Variants in SLC26A6 observed in about 807,000 individuals in gnomAD.
SLC26A6 encodes the protein solute carrier family 26 member 6, also known as anion exchange transporter.
Under a neutral mutation model 87.1 loss-of-function variants are expected in SLC26A6, and 67 were observed. The ratio of observed to expected loss-of-function variants is 0.77; its 90% confidence interval spans 0.63 to 0.94. The LOEUF is 0.94. SLC26A6 is among the 40% of genes least tolerant of loss of function. SLC26A6 has a pLI of 0.00. For synonymous variants in SLC26A6, 414 were observed against 405.9 expected (o/e 1.02, Z -0.24); for missense variants, 902 against 973.0 (o/e 0.93, Z 0.97).
chr3:48,626,825 T>A (rs1559463899), intron 18 of SLC26A6, 51 bp downstream of exon 18: 1 of 1,605,852 alleles, frequency 6.2e-7, no homozygotes, highest in Non-Finnish European at 8.5e-7. Context: ...CAGGGCAAAT[T>A]ACAGGGTCAG....
chr3:48,630,825 GC>G, intron 9 of SLC26A6, 105 bp from the exon 10 acceptor site: 1 of 1,496,264 alleles, frequency 6.7e-7, no homozygotes. Flanking sequence ...CCACCAAGTG[GC>G]CCCCAGAGAC....
chr3:48,625,994 T>C lies in SLC26A6; in HGVS notation c.2272A>G (p.Arg758Gly), dbSNP rs1415982478. The C allele has an allele frequency of 1.2e-6, 2 of 1,613,836 alleles. No homozygotes were observed. Among genetic ancestry groups the C allele is most frequent in the Admixed American group, 3.3e-5 (2 of 60,014 alleles). Residue 758 changes from arginine to glycine, a missense_variant, in exon 21 of 21, where the codon AGA (arginine) becomes GGA (glycine). By Grantham distance (125) the Arg-to-Gly change is moderately radical. This residue lies in a region of SLC26A6 where 99 missense variants were observed against 100.1 expected (regional missense o/e 0.99). Transcript: ENST00000395550. This position sits in a 1 kb window ranked among gnomAD's most constrained non-coding sequence, Gnocchi z 4.7. ...PVPDSPVSVT[R>G]L ...GGCAGGATGTAGCATGTTCAGAGTC[T>C]GGTGACCTGAGCAGGCAGAGGAGGG...
intron 11 of SLC26A6, 88 bp downstream of exon 11, chr3:48,630,350 T>A: frequency 7.0e-7 from 1 of 1,424,762 alleles, no homozygotes; most frequent in Non-Finnish European, 9.6e-7. Flanking sequence ...CCTAACCTTG[T>A]GTCCCCACCC....
At chr3:48,633,774 G>A in intron 1 of SLC26A6, 139 bp from the exon 2 acceptor site, 1 of 1,475,948 alleles carries the variant, frequency 6.8e-7, no homozygotes, top group Non-Finnish European at 8.9e-7. Context: ...GCCCCCAGCT[G>A]GCATCTGTGG....
Position 48,627,040 on chromosome 3 carries a change from C to T in SLC26A6, c.1909G>A (p.Asp637Asn), listed in dbSNP as rs59643945. 0.015 allele frequency: 23,517 copies of T among 1,613,414 alleles called. 1,593 individuals are homozygous for T. In the African/African-American group the frequency reaches 0.2, roughly 13 times the overall value. ...TTGGCTGTTGCATCTTCCATCTTAT[C>T]TCCTGAGCTCACCTGCTGGGGAGCC... ...DCKMMQVSSG[D>N]KMEDATANGQ... Residue 637 changes from aspartate to asparagine, a missense_variant, in exon 18 of 21, where the codon GAT becomes AAT. Physicochemically the swap from Asp to Asn is conservative, Grantham distance 23. Coordinates refer to ENST00000395550, the MANE Select transcript of SLC26A6 (RefSeq NM_022911.3).
rs1303569978 is a variant in SLC26A6 at position 48,632,333 on chromosome 3, A to G, written c.497T>C (p.Leu166Ser). The G allele has an allele frequency of 1.9e-6, 3 of 1,613,152 alleles. No individual in the cohort carries two copies. The highest frequency in any genetic ancestry group is 1.7e-5 in the Admixed American group (1 of 59,942). The change falls in exon 5 of 21, where the codon TTG (leucine) becomes TCG (serine). Residue 166 changes from leucine (L) to serine (S), a missense_variant. Physicochemically the swap from Leu to Ser is moderately radical, Grantham distance 145. This residue lies in a region of SLC26A6 where 800 missense variants were observed against 856.8 expected (regional missense o/e 0.93). Transcript: ENST00000395550. Reference sequence around the variant, plus strand: ...TGTCTCATTGATCATGGAGTCGTTCAAGGCCTGCGGGGCCAGGGATTCTGT... The same window carrying G: ...TGTCTCATTGATCATGGAGTCGTTCGAGGCCTGCGGGGCCAGGGATTCTGT... The part of the protein sequence containing the change: ...SVTESLAPQA[L>S]NDSMINETAR...
At chr3:48,626,815 CAG>C in intron 18 of SLC26A6, 59 bp downstream of exon 18, 1 of 1,605,450 alleles carries the variant, frequency 6.2e-7, no homozygotes, top group Non-Finnish European at 8.5e-7. Context: ...GGAGTGCTCT[CAG>C]GGCAAATTAC....
Position 48,628,228 on chromosome 3 carries a change from C to G in SLC26A6, c.1801-190G>C. ...AAGGGAAGAGGACTGTGACGGTTCTCACTGTCACTGGTTCAGATGATGGGA... is the reference window on the plus strand; with the variant it reads ...AAGGGAAGAGGACTGTGACGGTTCTGACTGTCACTGGTTCAGATGATGGGA... On this transcript the variant is annotated intron_variant, in intron 16 of 20. Coordinates refer to ENST00000395550, the MANE Select transcript of SLC26A6 (RefSeq NM_022911.3). This position sits in a 1 kb window ranked among gnomAD's most constrained non-coding sequence, Gnocchi z 4.4. The G allele has an allele frequency of 1.3e-6, 1 of 767,156 alleles. No homozygotes were observed. Among genetic ancestry groups the G allele is most frequent in the Non-Finnish European group, 2.1e-6 (1 of 482,020 alleles). 47.5% of individuals were successfully genotyped at this position (767,156 alleles called of 1,614,324 possible).
At position 48,628,452 on chromosome 3, in the gene SLC26A6, C is replaced by A. The variant is rs893920993; in HGVS notation, c.1782G>T (p.Glu594Asp). 5 of 1,614,100 alleles carry A rather than the reference C, an allele frequency of 3.1e-6. No homozygotes were observed. Among genetic ancestry groups the A allele is most frequent in the Non-Finnish European group, 4.2e-6 (5 of 1,179,994 alleles). The change falls in exon 16 of 21, where the codon GAG (glutamate) becomes GAT (aspartate). Residue 594 changes from glutamate (E) to aspartate (D), a missense_variant. Physicochemically the swap from Glu to Asp is conservative, Grantham distance 45. This residue lies in a region of SLC26A6 where 800 missense variants were observed against 856.8 expected (regional missense o/e 0.93). Coordinates refer to ENST00000395550, the MANE Select transcript of SLC26A6 (RefSeq NM_022911.3). This position sits in a 1 kb window ranked among gnomAD's most constrained non-coding sequence, Gnocchi z 4.4. ...GCCCTGCCTGTTTCCGAAGCTTCTC[C>A]TCTTTCTGCAGTTGCTTCAGCTTCA... The part of the protein sequence containing the change: ...EQLKLKQLQK[E>D]EKLRKQAASP...
rs775649384 is a variant in SLC26A6, at chr3:48,628,769, C to A, written c.1600-55G>T. 3.8e-6 allele frequency: 6 copies of A among 1,574,690 alleles called. No individual in the cohort carries two copies. Among genetic ancestry groups the A allele is most frequent in the Non-Finnish European group, 5.2e-6 (6 of 1,157,344 alleles). On this transcript the variant is annotated intron_variant, in intron 14 of 20. Coordinates refer to ENST00000395550, the MANE Select transcript of SLC26A6 (RefSeq NM_022911.3). The surrounding 1 kb of genome is among the most constrained non-coding windows in gnomAD (Gnocchi z 4.4). The stretch of plus-strand genomic sequence containing the variant: ...GAATCTCCTCTCTCCTGGCTGCATC[C>A]TGTTCTCCTGCCTTTCCTTCCCTAG...
chr3:48,628,136 G>A lies in SLC26A6; in HGVS notation c.1801-98C>T. The stretch of plus-strand genomic sequence containing the variant: ...TGATGCCCCCTGGTGCTGGGCAGGT[G>A]GGTGGGCCAGGACCAGAAGCTGTGG... On this transcript the variant is annotated intron_variant, in intron 16 of 20. Coordinates refer to ENST00000395550, the MANE Select transcript of SLC26A6 (RefSeq NM_022911.3). The surrounding 1 kb of genome is among the most constrained non-coding windows in gnomAD (Gnocchi z 4.4). 3 of 1,172,380 alleles carry A rather than the reference G, an allele frequency of 2.6e-6. No homozygotes were observed. In the South Asian group the frequency reaches 4.5e-5, roughly 18 times the overall value. The allele number at this position is 1,172,380 out of a possible 1,614,324, so 72.6% of individuals were successfully genotyped here.
chr3:48,626,234 G>C lies in SLC26A6; in HGVS notation c.2249C>G (p.Pro750Arg), dbSNP rs1294899628. Residue 750 changes from proline to arginine, a missense_variant, in exon 20 of 21, where the codon CCC becomes CGC. Physicochemically the swap from Pro to Arg is moderately radical, Grantham distance 103 (BLOSUM62 -2). Coordinates refer to ENST00000395550, the MANE Select transcript of SLC26A6 (RefSeq NM_022911.3). ...TFALQHPRPVPDSPVSVTRL is the reference protein window; with the variant it reads ...TFALQHPRPVRDSPVSVTRL Reference sequence around the variant, plus strand: ...TAGGCTCACCGAAACAGGGCTGTCGGGGACAGGCCTCGGGTGTTGGAGGGC... The same window carrying C: ...TAGGCTCACCGAAACAGGGCTGTCGCGGACAGGCCTCGGGTGTTGGAGGGC... The C allele has an allele frequency of 4.3e-6, 7 of 1,614,106 alleles. No individual in the cohort carries two copies. The highest frequency in any genetic ancestry group is 5.9e-6 in the Non-Finnish European group (7 of 1,180,024).
rs13324142 is a variant in SLC26A6 at position 48,632,014 on chromosome 3, C to G, written c.616G>C (p.Val206Leu). Residue 206 changes from valine (V) to leucine (L), a missense_variant, in exon 6 of 21, where the codon GTG becomes CTG. Physicochemically the swap from Val to Leu is conservative, Grantham distance 32. This residue lies in a region of SLC26A6 where 800 missense variants were observed against 856.8 expected (regional missense o/e 0.93). Coordinates refer to ENST00000395550, the MANE Select transcript of SLC26A6 (RefSeq NM_022911.3). ...AGAGGTTCTGACAGGTAGGTGACCA[C>G]GAAGCCGAAGTGGATCAGGCCCAGC... Reference protein sequence around the residue: ...VGLGLIHFGFVVTYLSEPLVR... With the variant: ...VGLGLIHFGFLVTYLSEPLVR... 1 of 1,613,200 alleles carries G rather than the reference C, an allele frequency of 6.2e-7. No individual in the cohort carries two copies.
chr3:48,633,568 T>C lies in SLC26A6; in HGVS notation c.91A>G (p.Met31Val). 1.9e-6 allele frequency: 3 copies of C among 1,613,542 alleles called. No individual in the cohort carries two copies. Among genetic ancestry groups the C allele is most frequent in the African/African-American group, 1.3e-5 (1 of 75,056 alleles). Reference sequence around the variant, plus strand: ...TCCTGGTTCAGCAGCGGCCGTTCCATGTGGTAGTCTCGCCTCCGCAGGTCC... The same window carrying C: ...TCCTGGTTCAGCAGCGGCCGTTCCACGTGGTAGTCTCGCCTCCGCAGGTCC... ...AMDLRRRDYH[M>V]ERPLLNQEHL... Residue 31 changes from methionine (M) to valine (V), a missense_variant, in exon 2 of 21, where the codon ATG (methionine) becomes GTG (valine). By Grantham distance (21) the Met-to-Val change is conservative (BLOSUM62 1). Around this residue, in one of 3 missense-constraint regions of SLC26A6, gnomAD observed 800 missense variants for 856.8 expected, o/e 0.93. Coordinates refer to ENST00000395550, the MANE Select transcript of SLC26A6 (RefSeq NM_022911.3).
Position 48,629,997 on chromosome 3 carries a change from G to C in SLC26A6, c.1423-19C>G. ...AGATAAGCTGAGAACAGAGGGCAGC[G>C]GTTGGAGGGCGGCGAGGAGCCATGG... On this transcript the variant is annotated intron_variant, in intron 12 of 20. Transcript: ENST00000395550. 6.2e-7 allele frequency: 1 copy of C among 1,614,034 alleles called. No homozygotes were observed. The highest frequency in any genetic ancestry group is 8.5e-7 in the Non-Finnish European group (1 of 1,179,996).
At chr3:48,634,972 G>T (rs948461597) in intron 1 of SLC26A6, among the ~76,000 whole-genome samples, 2 of 152,242 alleles carry the variant, frequency 1.3e-5, no homozygotes, top group African/African-American at 4.8e-5. Context: ...GGCCAGAAAG[G>T]CCGGAGCGCT....
Position 48,626,670 on chromosome 3 carries a change from G to A in SLC26A6, c.2089C>T (p.Arg697Trp), listed in dbSNP as rs759369319. 1.7e-5 allele frequency: 27 copies of A among 1,613,954 alleles called. No homozygotes were observed. The highest frequency in any genetic ancestry group is 6.7e-5 in the African/African-American group (5 of 74,896). The change falls in exon 19 of 21, where the codon CGG (arginine) becomes TGG (tryptophan). Residue 697 changes from arginine to tryptophan, a missense_variant. By Grantham distance (101) the Arg-to-Trp change is moderately radical. Around this residue, in one of 3 missense-constraint regions of SLC26A6, gnomAD observed 99 missense variants for 100.1 expected, o/e 0.99. Coordinates refer to ENST00000395550, the MANE Select transcript of SLC26A6 (RefSeq NM_022911.3). ...ATGTACACCTCCACCTCAATCTCCC[G>A]GAAGTCATGGAAAATCTGTAGCGGA... Reference protein sequence around the residue: ...KSLKNIFHDFREIEVEVYMAA... With the variant: ...KSLKNIFHDFWEIEVEVYMAA...
chr3:48,630,428 G>A lies in SLC26A6; in HGVS notation c.1326+10C>T, dbSNP rs1379099948. On this transcript the variant is annotated intron_variant, in intron 11 of 20. Coordinates refer to ENST00000395550, the MANE Select transcript of SLC26A6 (RefSeq NM_022911.3). ...GCCAAGACCTGAAACCTGGCTGGGT[G>A]GGGGCTCACCTTGGGCAGGTCATGG... 12 of 1,554,106 alleles carry A rather than the reference G, an allele frequency of 7.7e-6. No individual in the cohort carries two copies. Among genetic ancestry groups the A allele is most frequent in the Middle Eastern group, 1.7e-4 (1 of 5,980 alleles).
Position 48,631,016 on chromosome 3 carries a change from C to G in SLC26A6, c.1111G>C (p.Gly371Arg). 6.2e-7 allele frequency: 1 copy of G among 1,613,822 alleles called. No individual in the cohort carries two copies. The highest frequency in any genetic ancestry group is 8.5e-7 in the Non-Finnish European group (1 of 1,180,022). The change falls in exon 9 of 21, where the codon GGC (glycine) becomes CGC (arginine). Residue 371 changes from glycine to arginine, a missense_variant. Gly to Arg is a moderately radical substitution (Grantham distance 125, BLOSUM62 -2). Transcript: ENST00000395550. The stretch of plus-strand genomic sequence containing the variant: ...ACCTGGTTGCTGTCCACCCGGTAGC[C>G]GTGCCTCAGGGCGAAGATCTTCCCC... ...SLGKIFALRH[G>R]YRVDSNQELV...
Sources: allele counts gnomAD v4.1 joint callset (sites outside exome capture counted in the v4.1 genomes callset), GRCh38; gene constraint gnomAD v4.1.1; regional missense constraint gnomAD v4.1.1; non-coding constraint Gnocchi (gnomAD v3.1); transcripts MANE v1.5; gene names NCBI Gene and HGNC (gene_info 2026-07-23, HGNC 2026-07-21).